The following SKIC2 variants were observed in gnomAD, a reference collection of about 807,000 sequenced individuals.
SKIC2 encodes superkiller complex protein 2.
At chr6:31,959,347 G>C in the SKIC2 span, 1 of 1,613,862 alleles carries the variant, frequency 6.2e-7, no homozygotes, top group Non-Finnish European at 8.5e-7. Flanking sequence ...CGTGGAGCTC[G>C]GATGCACGGG....
At chr6:31,959,457 C>T in the SKIC2 span, 3 of 1,169,992 alleles carry the variant, frequency 2.6e-6, no homozygotes, top group Non-Finnish European at 3.9e-6. Flanking sequence ...CTCCTTCACC[C>T]TCCTCACAGT....
the SKIC2 span, chr6:31,960,126 A>G: frequency 1.2e-6 from 2 of 1,611,448 alleles, no homozygotes; most frequent in Non-Finnish European, 1.7e-6. Flanking sequence ...CCCGGTGAGG[A>G]GTCTGGAGGG....
the SKIC2 span, chr6:31,959,639 G>A: frequency 3.6e-6 from 2 of 555,406 alleles, no homozygotes; most frequent in Admixed American, 3.4e-5. Context: ...GCATTTCTCC[G>A]TGGAGCTCCC....
At chr6:31,966,142 C>T in the SKIC2 span, 1 of 667,046 alleles carries the variant, frequency 1.5e-6, no homozygotes, top group Middle Eastern at 4.2e-4. The surrounding 1 kb of genome is among the most constrained non-coding windows in gnomAD (Gnocchi z 5.9). Context: ...GTTACCTAGG[C>T]TGGAGTGCAG....
the SKIC2 span, chr6:31,968,894 G>C: frequency 6.2e-7 from 1 of 1,612,904 alleles, no homozygotes; most frequent in Non-Finnish European, 8.5e-7. The surrounding 1 kb of genome is among the most constrained non-coding windows in gnomAD (Gnocchi z 6.1). Flanking sequence ...TGGGTTATGT[G>C]GACGAGGCGG....
the SKIC2 span, chr6:31,963,069 C>G: frequency 6.2e-7 from 1 of 1,612,376 alleles, no homozygotes; most frequent in East Asian, 2.2e-5. This position sits in a 1 kb window ranked among gnomAD's most constrained non-coding sequence, Gnocchi z 5.3. Flanking sequence ...CCCCAACGCC[C>G]TTGAGTTTGC....
the SKIC2 span, chr6:31,961,737 C>A: frequency 6.3e-7 from 1 of 1,580,190 alleles, no homozygotes; most frequent in Non-Finnish European, 8.6e-7. Flanking sequence ...CCCAGCCGAC[C>A]CCTTGTCTCC....
the SKIC2 span, chr6:31,967,678 C>A: frequency 6.2e-7 from 1 of 1,609,014 alleles, no homozygotes; most frequent in South Asian, 1.1e-5. This position sits in a 1 kb window ranked among gnomAD's most constrained non-coding sequence, Gnocchi z 4.9. Flanking sequence ...GTCTACTCAT[C>A]ACACCCCCCT....
At chr6:31,963,969 C>T in the SKIC2 span, 43 of 1,612,286 alleles carry the variant, frequency 2.7e-5, no homozygotes, top group Middle Eastern at 3.3e-4. The surrounding 1 kb of genome is among the most constrained non-coding windows in gnomAD (Gnocchi z 5.3). Flanking sequence ...CCCAGTTGCC[C>T]GTGGTGGTGT....
the SKIC2 span, chr6:31,968,680 C>T: frequency 1.5e-5 from 24 of 1,609,896 alleles, no homozygotes; most frequent in Non-Finnish European, 2.0e-5. The surrounding 1 kb of genome is among the most constrained non-coding windows in gnomAD (Gnocchi z 6.1). Flanking sequence ...GGGTGGCTCT[C>T]TGCAGTACCT....
At chr6:31,969,320 A>G in the SKIC2 span, 3 of 1,614,100 alleles carry the variant, frequency 1.9e-6, no homozygotes, top group Non-Finnish European at 2.5e-6. The surrounding 1 kb of genome is among the most constrained non-coding windows in gnomAD (Gnocchi z 6.1). Context: ...CGGATTGGTG[A>G]GGTCCAGGTG....
chr6:31,963,301 A>C, the SKIC2 span: 4 of 1,064,234 alleles, frequency 3.8e-6, no homozygotes, highest in African/African-American at 6.4e-5. This position sits in a 1 kb window ranked among gnomAD's most constrained non-coding sequence, Gnocchi z 5.3. Flanking sequence ...ATAGCCTTCC[A>C]TTCTGGGTCT....
chr6:31,968,502 G>T, the SKIC2 span: 1 of 1,612,972 alleles, frequency 6.2e-7, no homozygotes, highest in Non-Finnish European at 8.5e-7. This position sits in a 1 kb window ranked among gnomAD's most constrained non-coding sequence, Gnocchi z 6.1. Context: ...TGATCCAGGG[G>T]GCTCAGTGTG....
the SKIC2 span, among the ~76,000 whole-genome samples, chr6:31,962,212 A>G: frequency 6.6e-6 from 1 of 152,184 alleles, no homozygotes; most frequent in Non-Finnish European, 1.5e-5. This position sits in a 1 kb window ranked among gnomAD's most constrained non-coding sequence, Gnocchi z 5.0. Flanking sequence ...AAATGAAAAG[A>G]CATGGTGGGG....
chr6:31,961,920 G>A, the SKIC2 span: 1 of 1,613,054 alleles, frequency 6.2e-7, no homozygotes, highest in Non-Finnish European at 8.5e-7. Flanking sequence ...GGGCATTTGA[G>A]CCAGATGTGT....
chr6:31,960,108 G>T, the SKIC2 span: 1 of 1,612,782 alleles, frequency 6.2e-7, no homozygotes, highest in Non-Finnish European at 8.5e-7. Flanking sequence ...ATGGTGTGGA[G>T]CACTCAGCCC....
chr6:31,961,148 G>C, the SKIC2 span: 1 of 1,606,438 alleles, frequency 6.2e-7, no homozygotes, highest in Non-Finnish European at 8.5e-7. Context: ...TTCTCCTAAG[G>C]AACAGAGATG....
chr6:31,960,079 C>T, the SKIC2 span: 14 of 1,613,082 alleles, frequency 8.7e-6, no homozygotes, highest in Non-Finnish European at 1.2e-5. Context: ...TCTGTCATCC[C>T]CAGCCTGGCT....
the SKIC2 span, chr6:31,968,566 C>A: frequency 6.3e-7 from 1 of 1,582,622 alleles, no homozygotes; most frequent in Non-Finnish European, 8.7e-7. The surrounding 1 kb of genome is among the most constrained non-coding windows in gnomAD (Gnocchi z 6.1). Flanking sequence ...AACTCCCAAG[C>A]TGGGAGTAGG....
Sources: allele counts gnomAD v4.1 joint callset (sites outside exome capture counted in the v4.1 genomes callset), GRCh38; gene constraint gnomAD v4.1.1; non-coding constraint Gnocchi (gnomAD v3.1); transcripts MANE v1.5; gene names NCBI Gene and HGNC (gene_info 2026-07-23, HGNC 2026-07-21).